Variants in ERBB4 observed in about 807,000 individuals in gnomAD.
ERBB4 encodes the protein erb-b2 receptor tyrosine kinase 4.
In ERBB4, 42 loss-of-function variants were observed where a neutral mutation model predicts 158.0. The ratio of observed to expected loss-of-function variants is 0.27; its 90% CI spans 0.21 to 0.34. The LOEUF (loss-of-function observed/expected upper bound fraction) is 0.34, where lower values mean the gene tolerates loss of function less well. ERBB4 is among the 10% of genes least tolerant of loss of function. The pLI is 1.00. For missense variants in ERBB4, 1,333 were observed against 1,624.1 expected, an observed-to-expected ratio of 0.82 and a Z score of 3.08; for synonymous variants, 583 against 558.7, an observed-to-expected ratio of 1.04 and a Z score of -0.61.
chr2:212,113,964 T>C (rs1457813730), intron 2 of ERBB4, among the ~76,000 whole-genome samples: 3 of 152,198 alleles, frequency 2.0e-5, no homozygotes, highest in African/African-American at 7.2e-5. Flanking sequence ...TGACTTTTTA[T>C]TTAAAGTCAT....
At chr2:212,212,490 G>T (rs192388643) in intron 1 of ERBB4, among the ~76,000 whole-genome samples, 1 of 151,644 alleles carries the variant, frequency 6.6e-6, no homozygotes, top group Non-Finnish European at 1.5e-5. Context: ...CATACTGTCC[G>T]AAGTAATTTA....
chr2:212,171,199 G>T (rs1414746975), intron 1 of ERBB4, among the ~76,000 whole-genome samples: 1 of 152,010 alleles, frequency 6.6e-6, no homozygotes, highest in Non-Finnish European at 1.5e-5. Flanking sequence ...TTTAATGACT[G>T]CCCTGCTGGA....
chr2:212,343,532 G>T (rs6754674), intron 1 of ERBB4, among the ~76,000 whole-genome samples: 71,719 of 151,858 alleles, frequency 0.47, 18,702 homozygotes, highest in East Asian at 0.79. Flanking sequence ...TTTATAACGG[G>T]ATTTACTGAA....
chr2:211,676,630 G>T (rs538582743), intron 13 of ERBB4, among the ~76,000 whole-genome samples: 2 of 152,272 alleles, frequency 1.3e-5, no homozygotes, highest in Non-Finnish European at 2.9e-5. Flanking sequence ...ATTGGCTTGA[G>T]TCCTATATAG....
intron 23 of ERBB4, 76 bp from the exon 24 acceptor site, chr2:211,422,180 T>C: frequency 1.0e-6 from 1 of 982,894 alleles, no homozygotes; most frequent in Admixed American, 1.7e-5. Context: ...TGTGAAAATA[T>C]GAGCAAAAGT....
At chr2:211,466,916 T>C (rs917337466) in intron 20 of ERBB4, among the ~76,000 whole-genome samples, 1 of 152,096 alleles carries the variant, frequency 6.6e-6, no homozygotes, top group Admixed American at 6.6e-5. Flanking sequence ...ATTACATGCT[T>C]TCCTTTATGA....
chr2:212,418,497 TAG>T (rs960221655), intron 1 of ERBB4, among the ~76,000 whole-genome samples: 44 of 151,272 alleles, frequency 2.9e-4, no homozygotes, highest in Non-Finnish European at 5.5e-4. Context: ...TTTCAATCAA[TAG>T]AGTCTGCCTT....
chr2:211,940,101 C>T (rs907416652), intron 3 of ERBB4, among the ~76,000 whole-genome samples: 2 of 152,018 alleles, frequency 1.3e-5, no homozygotes, highest in Admixed American at 6.6e-5. Context: ...TCCAGTGATT[C>T]TAGCCCCAGC....
At chr2:212,073,907 T>C (rs2078200515) in intron 2 of ERBB4, among the ~76,000 whole-genome samples, 1 of 151,988 alleles carries the variant, frequency 6.6e-6, no homozygotes, top group Non-Finnish European at 1.5e-5. Flanking sequence ...ACAAGGTAAG[T>C]TATAGTCTAG....
At chr2:211,780,857 T>A (rs1254060903) in intron 4 of ERBB4, among the ~76,000 whole-genome samples, 2 of 152,230 alleles carry the variant, frequency 1.3e-5, no homozygotes. Flanking sequence ...ACAGATTCAA[T>A]GTATCCTTTC....
At chr2:212,440,121 G>A (rs541445250) in intron 1 of ERBB4, among the ~76,000 whole-genome samples, 1 of 152,208 alleles carries the variant, frequency 6.6e-6, no homozygotes, top group Admixed American at 6.5e-5. Context: ...TAATTAGCCA[G>A]GTGTGATACT....
chr2:211,802,577 T>C lies in ERBB4; in HGVS notation c.422-14418A>G, dbSNP rs775035136. Among the ~76,000 whole-genome samples the C allele has an allele frequency of 2.6e-4, 40 of 152,366 alleles. 1 individual carries two copies. Among genetic ancestry groups the C allele is most frequent in the Middle Eastern group, 3.4e-3 (1 of 294 alleles). On this transcript the variant is annotated intron_variant, in intron 3 of 27. Transcript: ENST00000342788. ...TGCTGACATGTGGAAAAGAGAATGA[T>C]GATTTATTAATAAATACCGGAAATA...
intron 25 of ERBB4, among the ~76,000 whole-genome samples, chr2:211,404,262 G>A (rs2063103884): frequency 6.6e-6 from 1 of 151,954 alleles, no homozygotes; most frequent in Non-Finnish European, 1.5e-5. Flanking sequence ...ATGCATTCAA[G>A]CAGAATGGTG....
intron 20 of ERBB4, among the ~76,000 whole-genome samples, chr2:211,542,639 T>G (rs1312895905): frequency 6.6e-6 from 1 of 152,030 alleles, no homozygotes; most frequent in Non-Finnish European, 1.5e-5. Flanking sequence ...ATTGAGAATA[T>G]TATTTGACAG....
At chr2:211,783,183 G>A (rs1242113175) in intron 4 of ERBB4, among the ~76,000 whole-genome samples, 1 of 152,196 alleles carries the variant, frequency 6.6e-6, no homozygotes, top group Non-Finnish European at 1.5e-5. Context: ...TGTTATTGAT[G>A]TATAAGAATG....
At chr2:211,709,019 A>G (rs989540369) in intron 9 of ERBB4, among the ~76,000 whole-genome samples, 1 of 151,846 alleles carries the variant, frequency 6.6e-6, no homozygotes, top group East Asian at 1.9e-4. Flanking sequence ...GATTTTCCAT[A>G]AGTAATTTTT....
intron 20 of ERBB4, among the ~76,000 whole-genome samples, chr2:211,559,820 G>T (rs1039812949): frequency 2.0e-5 from 3 of 152,150 alleles, no homozygotes; most frequent in African/African-American, 7.2e-5. Context: ...ACCAATATCT[G>T]CTGAAGATTA....
chr2:211,497,996 T>C (rs889200691), intron 20 of ERBB4, among the ~76,000 whole-genome samples: 1 of 152,228 alleles, frequency 6.6e-6, no homozygotes, highest in Middle Eastern at 3.4e-3. Context: ...GTTCTGCCAA[T>C]AGTTCATCCA....
chr2:211,665,300 C>T (rs764670629), intron 15 of ERBB4, 23 bp downstream of exon 15: 25 of 1,613,420 alleles, frequency 1.5e-5, no homozygotes, highest in Non-Finnish European at 2.0e-5. Context: ...CCAGGTGAGC[C>T]CTTGGCCAGC....
Sources: gnomAD v4.1 joint callset for allele counts (sites outside exome capture counted in the v4.1 genomes callset) on GRCh38, gnomAD v4.1.1 for gene constraint, MANE v1.5 for transcripts, NCBI Gene and HGNC (gene_info 2026-07-23, HGNC 2026-07-21) for gene names.